EPHA5: variants seen among roughly 807,000 people sequenced by gnomAD.
EPHA5 encodes the protein EPH receptor A5, also known as ephrin type-A receptor 5.
A neutral mutation model predicts 105.0 loss-of-function variants in EPHA5; 60 were observed. The ratio of observed to expected loss-of-function variants is 0.57; its 90% CI spans 0.46 to 0.71. The LOEUF (loss-of-function observed/expected upper bound fraction) is 0.71, where lower values mean the gene tolerates loss of function less well. Ranked by LOEUF, EPHA5 falls within the 30% of genes least tolerant of loss-of-function variation. EPHA5 has a pLI of 0.00. For missense variants in EPHA5, 1,218 were observed against 1,274.7 expected (o/e 0.96, Z 0.68); for synonymous variants, 513 against 449.1 (o/e 1.14, Z -1.80).
chr4:65,397,239 ACCT>A (rs1269767702), intron 8 of EPHA5, among the ~76,000 whole-genome samples: 1 of 151,768 alleles, frequency 6.6e-6, no homozygotes, highest in Non-Finnish European at 1.5e-5. Flanking sequence ...AGAAAGGTGG[ACCT>A]CCTCCTGGAC....
At chr4:65,649,744 A>G (rs1748429965) in intron 1 of EPHA5, among the ~76,000 whole-genome samples, 1 of 152,170 alleles carries the variant, frequency 6.6e-6, no homozygotes, top group Admixed American at 6.5e-5. Flanking sequence ...TAAATTCACT[A>G]GTGATAATTG....
chr4:65,364,459 T>C (rs1016236223), intron 11 of EPHA5, among the ~76,000 whole-genome samples: 1 of 151,742 alleles, frequency 6.6e-6, no homozygotes, highest in African/African-American at 2.4e-5. Flanking sequence ...TGTAAAATTC[T>C]AGATATTTTT....
At chr4:65,432,257 T>G (rs1006973840) in intron 5 of EPHA5, among the ~76,000 whole-genome samples, 1 of 152,138 alleles carries the variant, frequency 6.6e-6, no homozygotes, top group African/African-American at 2.4e-5. Context: ...TAAATATCAT[T>G]TTAATTTGCT....
At chr4:65,426,269 T>G (rs181117905) in intron 5 of EPHA5, among the ~76,000 whole-genome samples, 1 of 152,316 alleles carries the variant, frequency 6.6e-6, no homozygotes, top group African/African-American at 2.4e-5. Context: ...ATATGTTTCT[T>G]GAGCACTCTA....
chr4:65,477,683 G>A (rs1331546405), intron 5 of EPHA5, among the ~76,000 whole-genome samples: 1 of 152,124 alleles, frequency 6.6e-6, no homozygotes, highest in Non-Finnish European at 1.5e-5. Flanking sequence ...AAAGTGCTGA[G>A]ATTATAGGAG....
chr4:65,556,905 T>C (rs1436340670), intron 3 of EPHA5, among the ~76,000 whole-genome samples: 1 of 152,076 alleles, frequency 6.6e-6, no homozygotes, highest in African/African-American at 2.4e-5. Context: ...AAACATACTG[T>C]GTTCTAAATT....
At chr4:65,346,063 CG>C (rs1219436610) in intron 14 of EPHA5, among the ~76,000 whole-genome samples, 1 of 147,244 alleles carries the variant, frequency 6.8e-6, no homozygotes, top group Non-Finnish European at 1.5e-5. Context: ...GCGGCCAGCC[CG>C]TGCCTCTTCT....
rs192312678 is a variant in EPHA5 at position 65,382,623 on chromosome 4, C to A, written c.1794-15199G>T. On this transcript the variant is annotated intron_variant, in intron 8 of 16. Coordinates refer to ENST00000613740, the MANE Select transcript of EPHA5 (RefSeq NM_001281766.3). Reference sequence around the variant, plus strand: ...GTGAAGAAATTACATAACAACAGTTCTCTACTCATGTGTAACACAGTGGTT... The same window carrying A: ...GTGAAGAAATTACATAACAACAGTTATCTACTCATGTGTAACACAGTGGTT... Among the ~76,000 whole-genome samples, 5 of 151,912 alleles carry A rather than the reference C, an allele frequency of 3.3e-5. No homozygotes were observed. The South Asian group carries it at 1.0e-3, about 32-fold the overall frequency.
rs149766302 is a variant in EPHA5 at position 65,559,199 on chromosome 4, C to A, written c.910+42442G>T. ...TATTTAGAATTTATTTTTCTCCAAC[C>A]ACTTTTTAAAATGTATTTATTGTTC... On this transcript the variant is annotated intron_variant, in intron 3 of 16. Transcript: ENST00000613740. Among the ~76,000 whole-genome samples, 404 of 151,996 alleles carry A rather than the reference C, an allele frequency of 2.7e-3. 2 individuals are homozygous for A. Among genetic ancestry groups the A allele is most frequent in the Non-Finnish European group, 2.5e-3 (169 of 67,992 alleles).
At chr4:65,468,669 AAC>A (rs113130564) in intron 5 of EPHA5, among the ~76,000 whole-genome samples, 1 of 10,898 alleles carries the variant, frequency 9.2e-5, no homozygotes, top group Non-Finnish European at 2.9e-4. Flanking sequence ...AAATATATAT[AAC>A]ATATATACAT....
chr4:65,340,159 C>T (rs974137785), intron 14 of EPHA5, among the ~76,000 whole-genome samples: 3 of 152,062 alleles, frequency 2.0e-5, no homozygotes, highest in African/African-American at 7.2e-5. Flanking sequence ...AATATGCTAG[C>T]TGGTACAAGC....
chr4:65,615,407 C>A (rs1745142642), intron 2 of EPHA5, among the ~76,000 whole-genome samples: 1 of 151,762 alleles, frequency 6.6e-6, no homozygotes, highest in Non-Finnish European at 1.5e-5. Context: ...AAGAGGAAAT[C>A]AACTCAGTAG....
At chr4:65,591,620 A>C (rs1742671461) in intron 3 of EPHA5, among the ~76,000 whole-genome samples, 1 of 151,788 alleles carries the variant, frequency 6.6e-6, no homozygotes, top group Non-Finnish European at 1.5e-5. Flanking sequence ...TTTAAAAAAA[A>C]AGCTTCAGAG....
chr4:65,604,897 T>C (rs1744077164), intron 2 of EPHA5, among the ~76,000 whole-genome samples: 2 of 152,186 alleles, frequency 1.3e-5, no homozygotes, highest in African/African-American at 4.8e-5. Context: ...TTTGTTGGAT[T>C]TTCCATGACT....
chr4:65,424,528 T>TGG (rs1724238786), intron 5 of EPHA5, among the ~76,000 whole-genome samples: 3 of 152,078 alleles, frequency 2.0e-5, no homozygotes, highest in African/African-American at 7.2e-5. Context: ...AGGTACAGGG[T>TGG]GGGTGCCAAA....
At chr4:65,618,043 A>G (rs1745396587) in intron 2 of EPHA5, among the ~76,000 whole-genome samples, 1 of 152,126 alleles carries the variant, frequency 6.6e-6, no homozygotes, top group South Asian at 2.1e-4. Flanking sequence ...AGAATGTTAA[A>G]ATTATTTGAT....
intron 5 of EPHA5, among the ~76,000 whole-genome samples, chr4:65,457,596 T>C (rs28521219): frequency 0.13 from 19,691 of 151,798 alleles, 1,794 homozygotes; most frequent in East Asian, 0.41. Context: ...AAATTTGAAA[T>C]AAATACTTTT....
At position 65,353,033 on chromosome 4, in the gene EPHA5, C is replaced by CA; in HGVS notation, c.2235+8dup. On this transcript the variant is annotated intron_variant, in intron 12 of 16. Transcript: ENST00000613740. ...CACCTTGAATAACTAAATTATTCCC[C>CA]AATCCTACCTTCAAAAATGTATCTA... 6.6e-7 allele frequency: 1 copy of CA among 1,519,160 alleles called. No homozygotes were observed. The highest frequency in any genetic ancestry group is 8.9e-7 in the Non-Finnish European group (1 of 1,122,578). 94.1% of individuals were successfully genotyped at this position (1,519,160 alleles called of 1,614,324 possible). A position where few individuals can be genotyped will look rare whatever the true frequency, so the allele number is the denominator to read the frequency against.
In EPHA5 at chr4:65,562,583, C is replaced by G. The variant is rs10013903; in HGVS notation, c.910+39058G>C. On this transcript the variant is annotated intron_variant, in intron 3 of 16. Coordinates refer to ENST00000613740, the MANE Select transcript of EPHA5 (RefSeq NM_001281766.3). ...GAATGTTTGCAACTGTATATCCATG[C>G]ATGTGGAAGACATATGGTTCATTAT... Among the ~76,000 whole-genome samples, 318 of 152,096 alleles carry G rather than the reference C, an allele frequency of 2.1e-3. 1 individual carries two copies. Among genetic ancestry groups the G allele is most frequent in the African/African-American group, 7.1e-3 (295 of 41,504 alleles).
Sources: gnomAD v4.1 joint callset for allele counts (sites outside exome capture counted in the v4.1 genomes callset) on GRCh38, gnomAD v4.1.1 for gene constraint, MANE v1.5 for transcripts, NCBI Gene and HGNC (gene_info 2026-07-23, HGNC 2026-07-21) for gene names.